Variants in RAPGEF4 observed in about 807,000 individuals in gnomAD.
RAPGEF4 encodes the protein RAP guanine-nucleotide-exchange factor (GEF) 4.
Under a neutral mutation model 147.9 loss-of-function variants are expected in RAPGEF4, and 66 were observed. The ratio of observed to expected loss-of-function variants is 0.45; its 90% confidence interval spans 0.37 to 0.55. The LOEUF (loss-of-function observed/expected upper bound fraction) is 0.55. Among genes scored for constraint, RAPGEF4 ranks in the 20% least tolerant of loss-of-function variants. RAPGEF4 has a pLI of 0.00. For synonymous variants in RAPGEF4, 419 were observed against 442.7 expected, an observed-to-expected ratio of 0.95 and a Z score of 0.67; for missense variants, 1,071 against 1,257.3, an observed-to-expected ratio of 0.85 and a Z score of 2.24.
intron 6 of RAPGEF4, among the ~76,000 whole-genome samples, chr2:172,926,339 T>C (rs1685356661): frequency 6.6e-6 from 1 of 152,210 alleles, no homozygotes; most frequent in African/African-American, 2.4e-5. Flanking sequence ...TCTTTAATTT[T>C]TGGCTACTTA....
chr2:172,771,123 CAAT>C (rs1237721502), intron 1 of RAPGEF4, among the ~76,000 whole-genome samples: 2 of 151,508 alleles, frequency 1.3e-5, no homozygotes, highest in Admixed American at 6.6e-5. Flanking sequence ...TTATTGTAAA[CAAT>C]AAATTATTTA....
At chr2:173,013,782 A>G (rs929520211) in intron 17 of RAPGEF4, among the ~76,000 whole-genome samples, 4 of 152,238 alleles carry the variant, frequency 2.6e-5, no homozygotes, top group African/African-American at 4.8e-5. Context: ...GGTGCTTACA[A>G]TTAAGATGGT....
chr2:172,923,182 T>G (rs1288692571), intron 6 of RAPGEF4, among the ~76,000 whole-genome samples: 3 of 152,242 alleles, frequency 2.0e-5, no homozygotes, highest in Admixed American at 2.0e-4. Context: ...TAGCTCTTCC[T>G]CTTTTCATAG....
At chr2:172,763,028 C>G (rs1314833980) in intron 1 of RAPGEF4, among the ~76,000 whole-genome samples, 1 of 152,170 alleles carries the variant, frequency 6.6e-6, no homozygotes, top group Non-Finnish European at 1.5e-5. Context: ...TTTTTTGAAA[C>G]TAAGGTCTCC....
At chr2:172,934,425 A>T (rs1406855693) in intron 6 of RAPGEF4, among the ~76,000 whole-genome samples, 3 of 152,130 alleles carry the variant, frequency 2.0e-5, no homozygotes, top group Non-Finnish European at 4.4e-5. Flanking sequence ...TGCTGGGATT[A>T]CAGGTGTGAG....
At chr2:172,819,111 C>A in intron 4 of RAPGEF4, among the ~76,000 whole-genome samples, 1 of 152,000 alleles carries the variant, frequency 6.6e-6, no homozygotes, top group Non-Finnish European at 1.5e-5. Flanking sequence ...CTACATCTTT[C>A]CTAATGAAAA....
intron 5 of RAPGEF4, among the ~76,000 whole-genome samples, chr2:172,921,570 C>A (rs570490826): frequency 6.6e-5 from 10 of 152,312 alleles, no homozygotes; most frequent in African/African-American, 2.4e-4. Context: ...CTTCTGTCTC[C>A]TCTGTATAAG....
intron 25 of RAPGEF4, 77 bp downstream of exon 25, chr2:173,027,336 A>T: frequency 7.9e-7 from 1 of 1,269,678 alleles, no homozygotes; most frequent in South Asian, 1.6e-5. Flanking sequence ...ACTACACCTT[A>T]AAAAGAAAAG....
At chr2:172,765,760 C>T (rs1410507074) in intron 1 of RAPGEF4, among the ~76,000 whole-genome samples, 2 of 152,214 alleles carry the variant, frequency 1.3e-5, no homozygotes, top group Admixed American at 6.5e-5. Context: ...TCATCTCTAC[C>T]GCTGGTGCTG....
intron 26 of RAPGEF4, 126 bp from the exon 27 acceptor site, chr2:173,033,787 TG>T: frequency 1.2e-6 from 1 of 826,408 alleles, no homozygotes; most frequent in Non-Finnish European, 1.9e-6. Context: ...GATTACAGTC[TG>T]GCCTGTCTCA....
At chr2:172,789,390 G>A (rs1480702404) in intron 1 of RAPGEF4, among the ~76,000 whole-genome samples, 1 of 152,034 alleles carries the variant, frequency 6.6e-6, no homozygotes, top group Non-Finnish European at 1.5e-5. Context: ...GGTCATAGGG[G>A]GCCACTTTAT....
chr2:172,844,084 C>A (rs1187248005), intron 4 of RAPGEF4, among the ~76,000 whole-genome samples: 1 of 152,200 alleles, frequency 6.6e-6, no homozygotes, highest in Admixed American at 6.5e-5. Flanking sequence ...TTGGCATTTG[C>A]AATTGACATA....
At chr2:172,921,683 A>C (rs2150051791) in intron 5 of RAPGEF4, among the ~76,000 whole-genome samples, 1 of 152,352 alleles carries the variant, frequency 6.6e-6, no homozygotes, top group Middle Eastern at 3.4e-3. Flanking sequence ...AATGTTTGTA[A>C]ATCAATGACA....
chr2:172,985,554 C>T (rs980064641), intron 12 of RAPGEF4, 61 bp downstream of exon 12: 5 of 1,578,970 alleles, frequency 3.2e-6, no homozygotes, highest in East Asian at 2.3e-5. Flanking sequence ...GCACATGCCA[C>T]GGGAAGCCAG....
At chr2:172,790,520 A>G (rs1685707531) in intron 1 of RAPGEF4, among the ~76,000 whole-genome samples, 1 of 152,110 alleles carries the variant, frequency 6.6e-6, no homozygotes, top group Admixed American at 6.5e-5. Flanking sequence ...AGCGAGCTAT[A>G]ATTAGAGAAA....
chr2:172,955,094 G>T (rs1004358395), intron 6 of RAPGEF4, among the ~76,000 whole-genome samples: 2 of 152,126 alleles, frequency 1.3e-5, no homozygotes, highest in African/African-American at 2.4e-5. Context: ...CTTGTCTCTT[G>T]GTTTAAAATG....
chr2:172,785,871 G>A (rs900693027), intron 1 of RAPGEF4, among the ~76,000 whole-genome samples: 1 of 152,084 alleles, frequency 6.6e-6, no homozygotes, highest in Non-Finnish European at 1.5e-5. Flanking sequence ...TGTCCCAAGA[G>A]GTCCCCAGAA....
chr2:172,831,255 C>T, intron 4 of RAPGEF4, among the ~76,000 whole-genome samples: 1 of 52,268 alleles, frequency 1.9e-5, no homozygotes, highest in Non-Finnish European at 4.7e-5. Flanking sequence ...GTGACTGTTT[C>T]AGATAGAAAA....
intron 6 of RAPGEF4, among the ~76,000 whole-genome samples, chr2:172,927,769 C>T (rs560563796): frequency 2.6e-5 from 4 of 152,316 alleles, no homozygotes; most frequent in East Asian, 1.9e-4. Context: ...CCCTGCTTTA[C>T]ATGATTGATC....
Sources: gnomAD v4.1 joint callset for allele counts (sites outside exome capture counted in the v4.1 genomes callset) on GRCh38, gnomAD v4.1.1 for gene constraint, MANE v1.5 for transcripts, NCBI Gene and HGNC (gene_info 2026-07-23, HGNC 2026-07-21) for gene names.